The following USP37 variants were observed in gnomAD, a reference collection of about 807,000 sequenced individuals.
USP37 encodes ubiquitin carboxyl-terminal hydrolase 37.
Under a neutral mutation model 124.0 loss-of-function variants are expected in USP37, and 27 were observed. The observed-to-expected ratio is 0.22, with a 90% confidence interval of 0.16 to 0.30. The LOEUF (loss-of-function observed/expected upper bound fraction) is 0.30. Among genes scored for constraint, USP37 ranks in the 10% least tolerant of loss-of-function variants. The pLI, the probability that USP37 is intolerant of heterozygous loss-of-function variation, is 1.00. For missense variants in USP37, 889 were observed against 1,140.4 expected, an observed-to-expected ratio of 0.78 and a Z score of 3.17; for synonymous variants, 365 against 388.0, an observed-to-expected ratio of 0.94 and a Z score of 0.70.
At chr2:218,455,326 T>A (rs1276161551) in intron 25 of USP37, among the ~76,000 whole-genome samples, 3 of 152,162 alleles carry the variant, frequency 2.0e-5, no homozygotes, top group Non-Finnish European at 4.4e-5. Flanking sequence ...ACATCTTCTA[T>A]CATAAAACAA....
intron 25 of USP37, among the ~76,000 whole-genome samples, 187 bp from the exon 26 acceptor site, chr2:218,455,204 T>G (rs568763097): frequency 2.0e-5 from 3 of 152,308 alleles, no homozygotes; most frequent in Non-Finnish European, 4.4e-5. Flanking sequence ...TTTTTAAGAA[T>G]AGAGGGGAAC....
intron 11 of USP37, among the ~76,000 whole-genome samples, chr2:218,508,375 T>A (rs552255374): frequency 6.6e-6 from 1 of 152,088 alleles, no homozygotes; most frequent in Non-Finnish European, 1.5e-5. Flanking sequence ...AGAGGAAAGA[T>A]GTATTTCTAG....
At position 218,474,649 on chromosome 2, in the gene USP37, G is replaced by C; in HGVS notation, c.2280C>G (p.Pro760=). Residue 760 remains proline (P), a synonymous_variant, in exon 20 of 26, where the codon CCC becomes CCG. Transcript: ENST00000258399. ...ACCTACCCAGCTCTGTGATTGTTTT[G>C]GGCTTCTCAGTTTCCATAGTGTCTG... ...ENPDTMETEK[P]KTITELDPAS... is the part of the protein sequence containing the mutation. 6.2e-7 allele frequency: 1 copy of C among 1,614,090 alleles called. No homozygotes were observed. The highest frequency in any genetic ancestry group is 8.5e-7 in the Non-Finnish European group (1 of 1,180,034).
intron 20 of USP37, among the ~76,000 whole-genome samples, chr2:218,469,012 C>G (rs1040709566): frequency 6.6e-6 from 1 of 152,150 alleles, no homozygotes; most frequent in Non-Finnish European, 1.5e-5. Flanking sequence ...CTGTATTTCT[C>G]TGTGGCACAG....
intron 4 of USP37, among the ~76,000 whole-genome samples, chr2:218,555,321 G>T (rs1692908988): frequency 6.6e-6 from 1 of 150,962 alleles, no homozygotes; most frequent in Non-Finnish European, 1.5e-5. Context: ...ATTGACTTTT[G>T]TTAATTATTA....
At chr2:218,519,049 T>C (rs1337126560) in intron 10 of USP37, among the ~76,000 whole-genome samples, 1 of 152,228 alleles carries the variant, frequency 6.6e-6, no homozygotes, top group African/African-American at 2.4e-5. Context: ...CTAAAAAATA[T>C]AGTTTTTCAG....
At chr2:218,510,468 G>A (rs1689912438) in intron 10 of USP37, among the ~76,000 whole-genome samples, 1 of 152,132 alleles carries the variant, frequency 6.6e-6, no homozygotes, top group South Asian at 2.1e-4. Context: ...CAGATTTACA[G>A]TATACTTTTT....
rs1691299427 is a variant in USP37 at position 218,482,064 on chromosome 2, A to G, written c.1835+6T>C. 1.6e-5 allele frequency: 26 copies of G among 1,604,514 alleles called. No individual in the cohort carries two copies. The highest frequency in any genetic ancestry group is 2.2e-5 in the Non-Finnish European group (26 of 1,174,354). ...AATATAAAGACATAGTCTCTCAAGG[A>G]CTTACATTGCCATATGTGCACTCCA... On this transcript the variant is annotated splice_donor_region_variant and intron_variant, in intron 17 of 25. Transcript: ENST00000258399.
intron 8 of USP37, among the ~76,000 whole-genome samples, chr2:218,539,034 C>A (rs1691820440): frequency 6.6e-6 from 1 of 151,440 alleles, no homozygotes; most frequent in African/African-American, 2.4e-5. Flanking sequence ...GTGGTGTGAT[C>A]TCGGCTCACT....
chr2:218,468,437 G>T (rs1690490300), intron 20 of USP37, among the ~76,000 whole-genome samples: 1 of 151,742 alleles, frequency 6.6e-6, no homozygotes. Context: ...TGGTCAGGCT[G>T]GTCTCGAACT....
chr2:218,476,866 C>G lies in USP37; in HGVS notation c.2017G>C (p.Glu673Gln). The G allele has an allele frequency of 6.2e-7, 1 of 1,602,792 alleles. No homozygotes were observed. Among genetic ancestry groups the G allele is most frequent in the Non-Finnish European group, 8.5e-7 (1 of 1,175,958 alleles). The stretch of plus-strand genomic sequence containing the variant: ...TTTTCCAGGTCTTCCTGCTGCTGTT[C>G]GTTGCCTAACATTTCACAAAGTCTC... Reference protein sequence around the residue: ...SQRLCEMLGNEQQQEDLEKDS... With the variant: ...SQRLCEMLGNQQQQEDLEKDS... The change falls in exon 19 of 26, where the codon GAA becomes CAA. Residue 673 changes from glutamate to glutamine, a missense_variant. Coordinates refer to ENST00000258399, the MANE Select transcript of USP37 (RefSeq NM_020935.3).
chr2:218,521,208 CTCT>C (rs1690594704), intron 10 of USP37, among the ~76,000 whole-genome samples: 1 of 152,134 alleles, frequency 6.6e-6, no homozygotes, highest in Non-Finnish European at 1.5e-5. Context: ...TCAACTAAAC[CTCT>C]TTTCTTTATA....
At chr2:218,484,027 C>CATACA (rs1691405074) in intron 16 of USP37, among the ~76,000 whole-genome samples, 1 of 151,890 alleles carries the variant, frequency 6.6e-6, no homozygotes, top group Non-Finnish European at 1.5e-5. Context: ...GGCGTGGTGG[C>CATACA]GCGTTCCTGT....
At chr2:218,487,059 C>G (rs368733611) in intron 15 of USP37, among the ~76,000 whole-genome samples, 1 of 152,028 alleles carries the variant, frequency 6.6e-6, no homozygotes, top group Admixed American at 6.6e-5. Flanking sequence ...GGAAGACAAT[C>G]CTGCCAATTT....
Position 218,454,264 on chromosome 2 carries a change from C to T in USP37, c.*666G>A. The T allele has an allele frequency of 6.6e-6, 1 of 152,598 alleles. No individual in the cohort carries two copies. The highest frequency in any genetic ancestry group is 1.5e-5 in the Non-Finnish European group (1 of 68,050). The allele number at this position is 152,598 out of a possible 1,614,324, so 9.5% of individuals were successfully genotyped here. On this transcript the variant is annotated 3_prime_UTR_variant, in exon 26 of 26. Transcript: ENST00000258399. The stretch of plus-strand genomic sequence containing the variant: ...TGGGACTGCATGTAAACAGCAAAGA[C>T]ATCACAAATTCATGAAATTTGCAGA...
Position 218,466,050 on chromosome 2 carries a change from T to G in USP37, c.2426A>C (p.Gln809Pro), listed in dbSNP as rs780488454. 2 of 1,612,824 alleles carry G rather than the reference T, an allele frequency of 1.2e-6. No individual in the cohort carries two copies. The highest frequency in any genetic ancestry group is 3.4e-5 in the Admixed American group (2 of 59,566). Residue 809 changes from glutamine (Q) to proline (P), a missense_variant, in exon 21 of 26, where the codon CAA becomes CCA. Gln to Pro is a moderately conservative substitution (Grantham distance 76). This residue lies in a region of USP37 where 504 missense variants were observed against 714.3 expected (regional missense o/e 0.71). Coordinates refer to ENST00000258399, the MANE Select transcript of USP37 (RefSeq NM_020935.3). The part of the protein sequence containing the change: ...QYDMEREREE[Q>P]ELQQALAQSL... ...CTGAGCCAGTGCCTGCTGAAGCTCT[T>G]GCTCTTCCCTTTCACGCTCCATATC... is the stretch of plus-strand genomic sequence containing the variant.
At chr2:218,473,727 T>C (rs1318325401) in intron 20 of USP37, among the ~76,000 whole-genome samples, 1 of 152,208 alleles carries the variant, frequency 6.6e-6, no homozygotes, top group African/African-American at 2.4e-5. Context: ...TTCCCACTGA[T>C]AGCTTTAGAT....
chr2:218,513,667 C>G (rs965473703), intron 10 of USP37, among the ~76,000 whole-genome samples: 1 of 152,188 alleles, frequency 6.6e-6, no homozygotes, highest in African/African-American at 2.4e-5. Flanking sequence ...TATGCACTTT[C>G]TTATGAGGTC....
At chr2:218,517,129 T>C (rs537520) in intron 10 of USP37, among the ~76,000 whole-genome samples, 92,086 of 152,010 alleles carry the variant, frequency 0.61, 28,106 homozygotes, top group East Asian at 0.78. Flanking sequence ...TTTTGATATA[T>C]TGAAGTCTAA....
Sources: gnomAD v4.1 joint callset for allele counts (sites outside exome capture counted in the v4.1 genomes callset) on GRCh38, gnomAD v4.1.1 for gene constraint, gnomAD v4.1.1 regional missense constraint, MANE v1.5 for transcripts, NCBI Gene and HGNC (gene_info 2026-07-23, HGNC 2026-07-21) for gene names.